MYOM1: variants seen among roughly 807,000 people sequenced by gnomAD.
MYOM1 encodes the protein myomesin 1, also known as myomesin-1.
A neutral mutation model predicts 205.3 loss-of-function variants in MYOM1; 164 were observed. That is an observed-to-expected ratio of 0.80 (90% CI 0.70 to 0.91). The LOEUF is 0.91. MYOM1 is among the 40% of genes least tolerant of loss of function. The pLI, the probability that MYOM1 is intolerant of heterozygous loss-of-function variation, is 0.00. For synonymous variants in MYOM1, 772 were observed against 789.4 expected, an observed-to-expected ratio of 0.98 and a Z score of 0.37; for missense variants, 2,011 against 2,127.3, an observed-to-expected ratio of 0.95 and a Z score of 1.08.
intron 23 of MYOM1, among the ~76,000 whole-genome samples, chr18:3,100,960 T>C (rs2079367368): frequency 6.6e-6 from 1 of 152,214 alleles, no homozygotes; most frequent in South Asian, 2.1e-4. Context: ...TGGCACATAG[T>C]ATGTGTAATA....
chr18:3,078,482 T>A (rs987466391), intron 34 of MYOM1, among the ~76,000 whole-genome samples: 1 of 152,168 alleles, frequency 6.6e-6, no homozygotes, highest in Non-Finnish European at 1.5e-5. Flanking sequence ...CAGGCTGGAG[T>A]GCAGTAGTGT....
chr18:3,109,529 G>A (rs1245499990), intron 22 of MYOM1, among the ~76,000 whole-genome samples: 1 of 152,132 alleles, frequency 6.6e-6, no homozygotes, highest in African/African-American at 2.4e-5. Flanking sequence ...AAGTTGGGCT[G>A]GAAAAGTGGA....
Position 3,197,628 on chromosome 18 carries a change from C to T in MYOM1, c.291-3670G>A, listed in dbSNP as rs189487299. On this transcript the variant is annotated intron_variant, in intron 2 of 37. Transcript: ENST00000356443. ...GTGGCTCACGCCTGTAATCCCAGCACGTTGGGAGGCCAAGGCGGGCGGATC... is the reference window on the plus strand; with the variant it reads ...GTGGCTCACGCCTGTAATCCCAGCATGTTGGGAGGCCAAGGCGGGCGGATC... Among the ~76,000 whole-genome samples, 1,422 of 152,036 alleles carry T rather than the reference C, an allele frequency of 9.4e-3. 33 individuals are homozygous for T. Among genetic ancestry groups the T allele is most frequent in the African/African-American group, 0.032 (1,334 of 41,488 alleles).
At position 3,151,879 on chromosome 18, in the gene MYOM1, G is replaced by A. The variant is rs2143992493; in HGVS notation, c.1658C>T (p.Thr553Ile). ...GYFIDKCEVG[T>I]DSWSQCNDTP... is the part of the protein sequence containing the mutation. Reference sequence around the variant, plus strand: ...GTCATTGCACTGCGACCAGCTATCTGTGCCCACCTCACACCTAAAGGAATG... The same window carrying A: ...GTCATTGCACTGCGACCAGCTATCTATGCCCACCTCACACCTAAAGGAATG... The change falls in exon 12 of 38, where the codon ACA becomes ATA. Residue 553 changes from threonine to isoleucine, a missense_variant. Physicochemically the swap from Thr to Ile is moderately conservative, Grantham distance 89 (BLOSUM62 -1). Coordinates refer to ENST00000356443, the MANE Select transcript of MYOM1 (RefSeq NM_003803.4). 1.2e-6 allele frequency: 2 copies of A among 1,612,374 alleles called. No homozygotes were observed. The highest frequency in any genetic ancestry group is 2.2e-5 in the East Asian group (1 of 44,814).
chr18:3,203,818 G>A (rs948775655), intron 2 of MYOM1, among the ~76,000 whole-genome samples: 16 of 150,352 alleles, frequency 1.1e-4, no homozygotes, highest in African/African-American at 3.7e-4. Flanking sequence ...AAACAAAGAC[G>A]TTATAATAAA....
Position 3,164,423 on chromosome 18 carries a change from T to C in MYOM1, c.1356A>G (p.Pro452=). The C allele has an allele frequency of 1.9e-6, 3 of 1,603,988 alleles. No individual in the cohort carries two copies. Among genetic ancestry groups the C allele is most frequent in the South Asian group, 2.3e-5 (2 of 88,462 alleles). The change falls in exon 10 of 38, where the codon CCA becomes CCG. Residue 452 remains proline, a synonymous_variant. Transcript: ENST00000356443. ...QWYRNGVPLS[P]SKWVQTLWSG... The stretch of plus-strand genomic sequence containing the variant: ...TCCAAAGTGTTTGCACCCATTTTGA[T>C]GGAGAAAGAGGTACTCCTAGAAATA...
At chr18:3,203,011 A>G (rs2081085969) in intron 2 of MYOM1, among the ~76,000 whole-genome samples, 1 of 151,926 alleles carries the variant, frequency 6.6e-6, no homozygotes, top group African/African-American at 2.4e-5. Flanking sequence ...AAAATTCTCA[A>G]ATATAAGGAA....
At chr18:3,232,657 A>T in the MYOM1 span, among the ~76,000 whole-genome samples, 19 of 152,142 alleles carry the variant, frequency 1.2e-4, no homozygotes, top group African/African-American at 4.6e-4. Context: ...AAAAATGTCT[A>T]CTCTTCTTCC....
At chr18:3,246,286 G>C in the MYOM1 span, 1 of 152,222 alleles carries the variant, frequency 6.6e-6, no homozygotes, top group African/African-American at 2.4e-5. Context: ...TCTGGGGTTT[G>C]TCCCGTCGCT....
intron 18 of MYOM1, among the ~76,000 whole-genome samples, chr18:3,127,999 G>A (rs550572921): frequency 2.0e-5 from 3 of 152,324 alleles, no homozygotes; most frequent in Admixed American, 2.0e-4. Flanking sequence ...TCAATGAAGA[G>A]AGGGGGTGAA....
At chr18:3,188,181 A>G (rs561095461) in intron 4 of MYOM1, among the ~76,000 whole-genome samples, 6 of 152,144 alleles carry the variant, frequency 3.9e-5, no homozygotes, top group Non-Finnish European at 7.4e-5. Flanking sequence ...AGGCTCTCTA[A>G]AATCTTTAAT....
chr18:3,168,027 C>T (rs560293381), intron 9 of MYOM1, among the ~76,000 whole-genome samples: 11 of 152,218 alleles, frequency 7.2e-5, no homozygotes, highest in Middle Eastern at 3.4e-3. Context: ...ATTTTTGTGT[C>T]CTTCAGGGAC....
the MYOM1 span, among the ~76,000 whole-genome samples, chr18:3,244,733 C>T: frequency 8.4e-6 from 1 of 118,822 alleles, no homozygotes; most frequent in Admixed American, 8.5e-5. Flanking sequence ...TACTAAAATA[C>T]AAAAAAAAAA....
chr18:3,148,771 G>A (rs1011965680), intron 13 of MYOM1, among the ~76,000 whole-genome samples: 67 of 146,162 alleles, frequency 4.6e-4, no homozygotes, highest in African/African-American at 1.6e-3. Context: ...GCGTGAACCC[G>A]GGAGGCGGAG....
At chr18:3,247,078 T>C in the MYOM1 span, 1 of 152,144 alleles carries the variant, frequency 6.6e-6, no homozygotes, top group African/African-American at 2.4e-5. Flanking sequence ...AGTCAGGCTG[T>C]CCTTGTTAGC....
At chr18:3,197,050 A>T (rs1441412622) in intron 2 of MYOM1, among the ~76,000 whole-genome samples, 1 of 151,856 alleles carries the variant, frequency 6.6e-6, no homozygotes, top group African/African-American at 2.4e-5. Context: ...TCACACAGTG[A>T]GTTGGTGGTG....
chr18:3,201,896 G>A (rs566493568), intron 2 of MYOM1, among the ~76,000 whole-genome samples: 3 of 151,922 alleles, frequency 2.0e-5, no homozygotes, highest in East Asian at 1.9e-4. Context: ...CACCCACCTC[G>A]GCCTCTGAAA....
intron 11 of MYOM1, among the ~76,000 whole-genome samples, chr18:3,153,960 A>G (rs901584595): frequency 6.6e-6 from 1 of 152,242 alleles, no homozygotes; most frequent in Non-Finnish European, 1.5e-5. Context: ...TGTAAAGCCC[A>G]GTTACTATAA....
intron 23 of MYOM1, among the ~76,000 whole-genome samples, chr18:3,101,274 T>C (rs994779274): frequency 2.0e-5 from 3 of 152,204 alleles, no homozygotes; most frequent in Non-Finnish European, 2.9e-5. Flanking sequence ...AAAAAAGTAC[T>C]TAGAAATACT....
Sources: gnomAD v4.1 joint callset for allele counts (sites outside exome capture counted in the v4.1 genomes callset) on GRCh38, gnomAD v4.1.1 for gene constraint, MANE v1.5 for transcripts, NCBI Gene and HGNC (gene_info 2026-07-23, HGNC 2026-07-21) for gene names.